The following XPNPEP1 variants were observed in gnomAD, a reference collection of about 807,000 sequenced individuals.
The protein encoded by XPNPEP1 is X-prolyl aminopeptidase 1.
Under a neutral mutation model 92.4 loss-of-function variants are expected in XPNPEP1, and 39 were observed. The ratio of observed to expected loss-of-function variants is 0.42; its 90% confidence interval spans 0.33 to 0.55. XPNPEP1 has a LOEUF of 0.55. Among genes scored for constraint, XPNPEP1 ranks in the 20% least tolerant of loss-of-function variants. The pLI is 0.08. For synonymous variants in XPNPEP1, 307 were observed against 299.4 expected (o/e 1.03, Z -0.26); for missense variants, 654 against 856.1 (o/e 0.76, Z 2.95).
intron 3 of XPNPEP1, among the ~76,000 whole-genome samples, chr10:109,899,302 G>A (rs1336497785): frequency 6.6e-6 from 1 of 152,182 alleles, no homozygotes; most frequent in South Asian, 2.1e-4. Context: ...AAATGTGGGT[G>A]AGAGGTGATA....
At chr10:109,906,143 G>A (rs1309050171) in intron 3 of XPNPEP1, among the ~76,000 whole-genome samples, 1 of 152,108 alleles carries the variant, frequency 6.6e-6, no homozygotes, top group East Asian at 1.9e-4. Context: ...CTCCATCATG[G>A]TGGACTGGTG....
At chr10:109,873,482 A>G in intron 15 of XPNPEP1, 55 bp from the exon 16 acceptor site, 14 of 1,608,090 alleles carry the variant, frequency 8.7e-6, no homozygotes, top group Non-Finnish European at 1.2e-5. Flanking sequence ...TAAGTCAAAT[A>G]TGACACAGGC....
chr10:109,899,797 C>A (rs1382499111), intron 3 of XPNPEP1, among the ~76,000 whole-genome samples: 4 of 152,210 alleles, frequency 2.6e-5, no homozygotes, highest in African/African-American at 9.7e-5. Context: ...CCAAGCCCAA[C>A]AACATAATAT....
chr10:109,865,027 A>G lies in XPNPEP1; in HGVS notation c.*157T>C. On this transcript the variant is annotated 3_prime_UTR_variant, in exon 21 of 21. Coordinates refer to ENST00000502935, the MANE Select transcript of XPNPEP1 (RefSeq NM_020383.4). ...AAAGACTGAGTGTTTGCAATAAAAT[A>G]TCAAAGAGGATAAGAAGATTTTCTG... The G allele has an allele frequency of 9.4e-7, 1 of 1,058,772 alleles. No homozygotes were observed. Among genetic ancestry groups the G allele is most frequent in the South Asian group, 1.6e-5 (1 of 61,268 alleles). 65.6% of individuals were successfully genotyped at this position (1,058,772 alleles called of 1,614,324 possible).
chr10:109,878,342 G>C (rs932646629), intron 12 of XPNPEP1: 3 of 334,342 alleles, frequency 9.0e-6, no homozygotes, highest in Non-Finnish European at 1.6e-5. Context: ...AAATTCAAAA[G>C]CATCCCCTCC....
At chr10:109,881,200 C>T (rs1292717510) in intron 10 of XPNPEP1, among the ~76,000 whole-genome samples, 3 of 152,214 alleles carry the variant, frequency 2.0e-5, no homozygotes, top group Non-Finnish European at 4.4e-5. Context: ...AGACTGCTGG[C>T]TGCCTGCCGT....
In XPNPEP1 at chr10:109,889,779, A is replaced by AT. The variant is rs1382512069; in HGVS notation, c.416-1185dup. On this transcript the variant is annotated intron_variant, in intron 5 of 20. Transcript: ENST00000502935. ...AAAACAGTAGAAACTTATCTTTACTATTTTCTCTACTGACTACTGATACAA... is the reference window on the plus strand; with the variant it reads ...AAAACAGTAGAAACTTATCTTTACTATTTTTCTCTACTGACTACTGATACAA... 6.6e-5 allele frequency among the ~76,000 whole-genome samples: 10 copies of AT among 152,320 alleles called. No individual in the cohort carries two copies. The South Asian group carries it at 1.9e-3, about 28-fold the overall frequency.
intron 2 of XPNPEP1, 48 bp downstream of exon 2, chr10:109,914,963 T>TA (rs1400076672): frequency 7.4e-7 from 1 of 1,350,838 alleles, no homozygotes; most frequent in Non-Finnish European, 1.0e-6. Flanking sequence ...GGTGGAGATC[T>TA]AAAATCCTTT....
intron 10 of XPNPEP1, among the ~76,000 whole-genome samples, chr10:109,881,885 C>G (rs892950482): frequency 1.4e-5 from 2 of 143,218 alleles, no homozygotes; most frequent in Non-Finnish European, 3.0e-5. Context: ...TTGACAAATC[C>G]CCAAATCCCC....
chr10:109,920,514 C>G (rs1345456499), intron 1 of XPNPEP1, among the ~76,000 whole-genome samples: 1 of 152,166 alleles, frequency 6.6e-6, no homozygotes, highest in Non-Finnish European at 1.5e-5. Flanking sequence ...ATGACTGGTT[C>G]AGACACATGA....
intron 6 of XPNPEP1, 153 bp downstream of exon 6, chr10:109,888,350 C>A (rs996910985): frequency 8.1e-7 from 1 of 1,227,938 alleles, no homozygotes; most frequent in Non-Finnish European, 1.1e-6. Context: ...ATCTTCACCA[C>A]CAGTGGAACT....
At chr10:109,865,789 C>T (rs1327016516) in intron 20 of XPNPEP1, among the ~76,000 whole-genome samples, 1 of 152,218 alleles carries the variant, frequency 6.6e-6, no homozygotes, top group Non-Finnish European at 1.5e-5. Context: ...TTGAGTGTAG[C>T]TGCCTAGATG....
chr10:109,920,814 G>T (rs1246689764), intron 1 of XPNPEP1, among the ~76,000 whole-genome samples: 1 of 152,102 alleles, frequency 6.6e-6, no homozygotes, highest in Admixed American at 6.5e-5. Context: ...CCAAAGTGCT[G>T]GGACTATAGG....
chr10:109,881,032 C>G, intron 10 of XPNPEP1, 101 bp from the exon 11 acceptor site: 1 of 1,167,194 alleles, frequency 8.6e-7, no homozygotes, highest in Non-Finnish European at 1.2e-6. Context: ...TTAGACAAAT[C>G]ATTTGAAGAG....
chr10:109,920,255 G>A (rs950183816), intron 1 of XPNPEP1, among the ~76,000 whole-genome samples: 7 of 152,176 alleles, frequency 4.6e-5, no homozygotes, highest in Admixed American at 3.9e-4. Context: ...CAGGTAACAG[G>A]ATTTCTTTCG....
At position 109,880,929 on chromosome 10, in the gene XPNPEP1, G is replaced by A. The variant is rs373281126; in HGVS notation, c.1044C>T (p.Asp348=). ...GGGTGTAAGGCATACAGCAGCGGTG[G>A]TCCTAGAGGCAAAGGGCAGTAGGGT... is the stretch of plus-strand genomic sequence containing the variant. ...SYAVSETIPK[D]HRCCMPYTPI... The change falls in exon 11 of 21, where the codon GAC becomes GAT. Residue 348 remains aspartate (D), a splice_region_variant and synonymous_variant. Transcript: ENST00000502935. 108 of 1,613,596 alleles carry A rather than the reference G, an allele frequency of 6.7e-5. No individual in the cohort carries two copies. The highest frequency in any genetic ancestry group is 8.4e-5 in the Non-Finnish European group (99 of 1,179,844).
Position 109,865,191 on chromosome 10 carries a change from T to C in XPNPEP1, c.1994A>G (p.Gln665Arg). 1 of 1,614,228 alleles carries C rather than the reference T, an allele frequency of 6.2e-7. No individual in the cohort carries two copies. Among genetic ancestry groups the C allele is most frequent in the South Asian group, 1.1e-5 (1 of 91,084 alleles). Reference sequence around the variant, plus strand: ...AAACCGGGGAGGTATTTATTAATGCTGTTTGGAGATGGGTTGCGTCTCTCT... The same window carrying C: ...AAACCGGGGAGGTATTTATTAATGCCGTTTGGAGATGGGTTGCGTCTCTCT... ...LIRETQPISK[Q>R]H Residue 665 changes from glutamine to arginine, a missense_variant, in exon 21 of 21, where the codon CAG becomes CGG. Coordinates refer to ENST00000502935, the MANE Select transcript of XPNPEP1 (RefSeq NM_020383.4).
In XPNPEP1 at chr10:109,891,714, G is replaced by A. The variant is rs774426667; in HGVS notation, c.415+8C>T. 1 of 1,564,074 alleles carries A rather than the reference G, an allele frequency of 6.4e-7. No individual in the cohort carries two copies. The highest frequency in any genetic ancestry group is 8.6e-7 in the Non-Finnish European group (1 of 1,160,898). ...AACTAAGTTTGGGCTAGCCATGCCT[G>A]TACCCACCCATCTTCATAAGTGTCC... On this transcript the variant is annotated splice_region_variant and intron_variant, in intron 5 of 20. Transcript: ENST00000502935.
chr10:109,912,064 T>C (rs1849907483), intron 2 of XPNPEP1, among the ~76,000 whole-genome samples: 1 of 152,172 alleles, frequency 6.6e-6, no homozygotes, highest in South Asian at 2.1e-4. Context: ...TGCCTCCTCA[T>C]TCCCACATTC....
Sources: allele counts gnomAD v4.1 joint callset (sites outside exome capture counted in the v4.1 genomes callset), GRCh38; gene constraint gnomAD v4.1.1; transcripts MANE v1.5; gene names NCBI Gene and HGNC (gene_info 2026-07-23, HGNC 2026-07-21).